The following YAF2 variants were observed in gnomAD, a reference collection of about 807,000 sequenced individuals.
YAF2 encodes the protein YY1 associated factor 2.
Under a neutral mutation model 20.1 loss-of-function variants are expected in YAF2, and 7 were observed. The ratio of observed to expected loss-of-function variants is 0.35; its 90% CI spans 0.20 to 0.65. The LOEUF is 0.65. YAF2 is among the 30% of genes least tolerant of loss of function. The probability of loss-of-function intolerance (pLI) is 0.69; values close to 1 mark genes in which losing one functional copy is unlikely to be tolerated. For synonymous variants in YAF2, 74 were observed against 76.0 expected (o/e 0.97, Z 0.14); for missense variants, 151 against 219.2 (o/e 0.69, Z 1.96).
chr12:42,229,891 T>C (rs1415557602), intron 2 of YAF2, among the ~76,000 whole-genome samples: 1 of 152,240 alleles, frequency 6.6e-6, no homozygotes, highest in African/African-American at 2.4e-5. Context: ...AATGTCATTA[T>C]GGAGTGCATG....
At chr12:42,223,327 T>TACACAC (rs548568577) in intron 2 of YAF2, among the ~76,000 whole-genome samples, 17 of 131,704 alleles carry the variant, frequency 1.3e-4, no homozygotes, top group African/African-American at 4.7e-4. Flanking sequence ...TTCTTTAAAA[T>TACACAC]ACATACACAC....
intron 2 of YAF2, chr12:42,236,022 C>A (rs1278393266): frequency 4.6e-6 from 7 of 1,534,766 alleles, no homozygotes; most frequent in Non-Finnish European, 6.1e-6. Context: ...ATAGGCTCTT[C>A]TAGTTTCAGT....
intron 2 of YAF2, among the ~76,000 whole-genome samples, chr12:42,195,104 A>G: frequency 6.6e-6 from 1 of 152,210 alleles, no homozygotes; most frequent in East Asian, 1.9e-4. Context: ...ACAAGCAATT[A>G]AAGTACATCC....
At chr12:42,213,438 C>T (rs905323394) in intron 2 of YAF2, among the ~76,000 whole-genome samples, 1 of 152,160 alleles carries the variant, frequency 6.6e-6, no homozygotes, top group African/African-American at 2.4e-5. Context: ...TGAAGCCTTA[C>T]CTTACTTTTC....
chr12:42,237,341 T>C, intron 2 of YAF2: 2 of 1,070,120 alleles, frequency 1.9e-6, no homozygotes, highest in South Asian at 5.5e-5. Flanking sequence ...ACGAATTAAA[T>C]CGCAGTAGCT....
At chr12:42,228,088 C>A (rs1309073215) in intron 2 of YAF2, among the ~76,000 whole-genome samples, 22 of 99,286 alleles carry the variant, frequency 2.2e-4, no homozygotes, top group African/African-American at 8.0e-4. Context: ...GCCCAGCCGC[C>A]CCTACTGGGA....
At chr12:42,237,879 A>G in intron 1 of YAF2, 155 bp from the exon 2 acceptor site, 3 of 646,414 alleles carry the variant, frequency 4.6e-6, no homozygotes, top group Non-Finnish European at 5.6e-6. Flanking sequence ...GCTGAGGGGG[A>G]AGGGAGTCAG....
intron 2 of YAF2, among the ~76,000 whole-genome samples, chr12:42,216,953 CCATCAAGTTCCA>C (rs2067374116): frequency 6.6e-6 from 1 of 152,206 alleles, no homozygotes; most frequent in South Asian, 2.1e-4. Context: ...ATCCAATCAA[CCATCAAGTTCCA>C]CAGATCTCTC....
chr12:42,170,168 G>A, intron 2 of YAF2, among the ~76,000 whole-genome samples: 1 of 152,046 alleles, frequency 6.6e-6, no homozygotes, highest in Non-Finnish European at 1.5e-5. Flanking sequence ...CACCAGACCC[G>A]GCTATGTTAT....
At chr12:42,221,673 T>C (rs973561755) in intron 2 of YAF2, among the ~76,000 whole-genome samples, 2 of 152,206 alleles carry the variant, frequency 1.3e-5, no homozygotes, top group Non-Finnish European at 2.9e-5. Context: ...ATCAAGAGGA[T>C]ACGAGGCTAG....
At chr12:42,186,876 A>G (rs1392626046) in intron 2 of YAF2, among the ~76,000 whole-genome samples, 1 of 152,136 alleles carries the variant, frequency 6.6e-6, no homozygotes, top group Non-Finnish European at 1.5e-5. Context: ...TAATTTCTGG[A>G]TCAAGTTCAA....
chr12:42,173,907 C>T (rs2066115113), intron 2 of YAF2, among the ~76,000 whole-genome samples: 1 of 152,074 alleles, frequency 6.6e-6, no homozygotes, highest in African/African-American at 2.4e-5. Context: ...AGCCTTCCAT[C>T]TGTACCGACA....
At chr12:42,226,922 C>T (rs1480899699) in intron 2 of YAF2, among the ~76,000 whole-genome samples, 2 of 150,110 alleles carry the variant, frequency 1.3e-5, no homozygotes, top group Non-Finnish European at 3.0e-5. Flanking sequence ...GGAGCCCGTC[C>T]GGCCATGGTG....
intron 2 of YAF2, among the ~76,000 whole-genome samples, chr12:42,192,565 CTTGAAATACT>C (rs1462407431): frequency 2.0e-5 from 3 of 152,168 alleles, no homozygotes; most frequent in African/African-American, 7.2e-5. Flanking sequence ...CAATAAGTAT[CTTGAAATACT>C]TTTAAGGATG....
At chr12:42,189,902 T>C (rs1236339973) in intron 2 of YAF2, among the ~76,000 whole-genome samples, 3 of 152,204 alleles carry the variant, frequency 2.0e-5, no homozygotes, top group South Asian at 2.1e-4. Flanking sequence ...AACAGGTCAA[T>C]AGCGTATGTA....
intron 2 of YAF2, among the ~76,000 whole-genome samples, chr12:42,164,103 G>A (rs964465362): frequency 2.0e-5 from 3 of 152,168 alleles, no homozygotes. Context: ...GCACAAAATG[G>A]TTGCCTAGTT....
chr12:42,221,686 C>A (rs1190587851), intron 2 of YAF2, among the ~76,000 whole-genome samples: 4 of 152,160 alleles, frequency 2.6e-5, no homozygotes, highest in African/African-American at 9.7e-5. Context: ...GAGGCTAGAG[C>A]CATGAGTTTC....
chr12:42,202,942 T>C (rs1273970082), intron 2 of YAF2, among the ~76,000 whole-genome samples: 1 of 152,066 alleles, frequency 6.6e-6, no homozygotes, highest in Non-Finnish European at 1.5e-5. Context: ...CGGGGCTAAA[T>C]ACCATAATTT....
chr12:42,204,549 T>C (rs978653618), intron 2 of YAF2, among the ~76,000 whole-genome samples: 1 of 152,208 alleles, frequency 6.6e-6, no homozygotes, highest in Non-Finnish European at 1.5e-5. Flanking sequence ...ATGCAAATAC[T>C]GTGGCATTTT....
Sources: gnomAD v4.1 joint callset for allele counts (sites outside exome capture counted in the v4.1 genomes callset) on GRCh38, gnomAD v4.1.1 for gene constraint, MANE v1.5 for transcripts, NCBI Gene and HGNC (gene_info 2026-07-23, HGNC 2026-07-21) for gene names.